Variants in ABCB4 observed in about 807,000 individuals in gnomAD.
The protein encoded by ABCB4 is phosphatidylcholine translocator ABCB4.
In ABCB4, 76 loss-of-function variants were observed where a neutral mutation model predicts 145.7. The observed-to-expected ratio is 0.52, with a 90% CI of 0.43 to 0.63. ABCB4 has a LOEUF of 0.63. Among genes scored for constraint, ABCB4 ranks in the 30% least tolerant of loss-of-function variants. The pLI is 0.00. For synonymous variants in ABCB4, 517 were observed against 566.8 expected (o/e 0.91, Z 1.25); for missense variants, 1,234 against 1,553.1 (o/e 0.79, Z 3.45).
At chr7:87,471,233 G>A (rs919540873) in intron 3 of ABCB4, among the ~76,000 whole-genome samples, 1 of 151,778 alleles carries the variant, frequency 6.6e-6, no homozygotes, top group African/African-American at 2.4e-5. Context: ...GGGGATGGGG[G>A]AGGGATAGCA....
chr7:87,436,114 G>C (rs1298781050), intron 14 of ABCB4, among the ~76,000 whole-genome samples: 2 of 152,162 alleles, frequency 1.3e-5, no homozygotes, highest in African/African-American at 4.8e-5. Flanking sequence ...GTACAATGAG[G>C]TTTGGGAAGA....
At chr7:87,467,072 G>A (rs1031980457) in intron 3 of ABCB4, among the ~76,000 whole-genome samples, 7 of 152,050 alleles carry the variant, frequency 4.6e-5, no homozygotes, top group Admixed American at 2.0e-4. Flanking sequence ...ATTTAAATGG[G>A]CTAAATGCTC....
chr7:87,380,671 C>A, the ABCB4 span, among the ~76,000 whole-genome samples: 1 of 152,140 alleles, frequency 6.6e-6, no homozygotes, highest in East Asian at 1.9e-4. Context: ...ATATTTTCTA[C>A]CTTCTTTGAG....
In ABCB4 at chr7:87,423,093, G is replaced by C. The variant is rs533499263; in HGVS notation, c.2211+813C>G. ...TGGCTTGTGGTCTTAATTGTGGATC[G>C]ATGTCCAACATCACAAAAATAATAA... On this transcript the variant is annotated intron_variant, in intron 17 of 27. Transcript: ENST00000649586. 2.0e-5 allele frequency among the ~76,000 whole-genome samples: 3 copies of C among 152,192 alleles called. No individual in the cohort carries two copies. In the East Asian group the frequency reaches 5.8e-4, roughly 29 times the overall value.
chr7:87,387,267 A>G, the ABCB4 span, among the ~76,000 whole-genome samples: 2 of 151,856 alleles, frequency 1.3e-5, no homozygotes, highest in Admixed American at 1.3e-4. Context: ...TTGCTTTTTT[A>G]TCTAGTCTGA....
intron 21 of ABCB4, among the ~76,000 whole-genome samples, chr7:87,416,698 C>G (rs909289333): frequency 4.6e-5 from 7 of 152,178 alleles, no homozygotes; most frequent in Non-Finnish European, 7.3e-5. Flanking sequence ...CTGTTTGAAT[C>G]TCAGGTTCTG....
At chr7:87,381,033 C>T in the ABCB4 span, among the ~76,000 whole-genome samples, 1 of 152,182 alleles carries the variant, frequency 6.6e-6, no homozygotes. Context: ...ATAGGCTCCG[C>T]TGGGCCATGA....
At chr7:87,458,171 C>G (rs372209378) in intron 4 of ABCB4, among the ~76,000 whole-genome samples, 1 of 152,084 alleles carries the variant, frequency 6.6e-6, no homozygotes, top group Non-Finnish European at 1.5e-5. Flanking sequence ...GCTATTTTCC[C>G]GCAGAATTTT....
At chr7:87,439,596 C>A in intron 14 of ABCB4, 71 bp downstream of exon 14, 1 of 1,564,902 alleles carries the variant, frequency 6.4e-7, no homozygotes, top group Middle Eastern at 1.7e-4. Flanking sequence ...AGCCCAGACT[C>A]CGGAAGCACT....
intron 25 of ABCB4, 104 bp from the exon 26 acceptor site, chr7:87,406,598 G>T: frequency 7.9e-7 from 1 of 1,261,436 alleles, no homozygotes; most frequent in Non-Finnish European, 1.1e-6. Flanking sequence ...GAGGGTGTCA[G>T]CAGCTTCAAA....
intron 12 of ABCB4, among the ~76,000 whole-genome samples, chr7:87,442,807 C>A (rs907387534): frequency 6.6e-6 from 1 of 151,998 alleles, no homozygotes; most frequent in South Asian, 2.1e-4. Context: ...AAAAACATAC[C>A]CTAGGCTATT....
chr7:87,451,184 G>A (rs1440798366), intron 7 of ABCB4, among the ~76,000 whole-genome samples: 1 of 147,938 alleles, frequency 6.8e-6, no homozygotes, highest in East Asian at 2.0e-4. Context: ...CACCCAAGCT[G>A]GAGTGAAGTG....
At chr7:87,452,336 TC>T (rs1349917322) in intron 6 of ABCB4, 4 of 176,960 alleles carry the variant, frequency 2.3e-5, no homozygotes, top group Admixed American at 2.2e-4. Context: ...AGTCTTGAAG[TC>T]TTTGTGGAGG....
At chr7:87,385,100 C>T in the ABCB4 span, among the ~76,000 whole-genome samples, 10 of 148,654 alleles carry the variant, frequency 6.7e-5, no homozygotes, top group East Asian at 3.9e-4. Flanking sequence ...TATAGTTTGG[C>T]GGTATATTTT....
At chr7:87,403,643 G>A (rs1807967694) in intron 26 of ABCB4, among the ~76,000 whole-genome samples, 3 of 151,196 alleles carry the variant, frequency 2.0e-5, no homozygotes, top group African/African-American at 7.3e-5. Context: ...GCTTTGTTAT[G>A]CCAGCATCAC....
At chr7:87,387,211 A>T in the ABCB4 span, among the ~76,000 whole-genome samples, 1 of 151,998 alleles carries the variant, frequency 6.6e-6, no homozygotes, top group Admixed American at 6.6e-5. Flanking sequence ...GAGTGAAGCC[A>T]GATTGCTTCT....
intron 3 of ABCB4, among the ~76,000 whole-genome samples, chr7:87,463,796 A>G (rs554724014): frequency 6.6e-6 from 1 of 152,334 alleles, no homozygotes; most frequent in Non-Finnish European, 1.5e-5. Context: ...CAGTTGTCAC[A>G]GTGAAGTGCA....
intron 3 of ABCB4, among the ~76,000 whole-genome samples, chr7:87,464,098 T>C (rs1250644571): frequency 1.3e-5 from 2 of 152,112 alleles, no homozygotes; most frequent in African/African-American, 4.8e-5. Flanking sequence ...AGAACAGTTA[T>C]TGGGAGAGAG....
chr7:87,405,580 C>T (rs12704362), intron 26 of ABCB4, among the ~76,000 whole-genome samples: 103 of 152,190 alleles, frequency 6.8e-4, no homozygotes, highest in African/African-American at 2.0e-3. Flanking sequence ...GTGCCCACCA[C>T]GACGCCTGGT....
Sources: allele counts gnomAD v4.1 joint callset (sites outside exome capture counted in the v4.1 genomes callset), GRCh38; gene constraint gnomAD v4.1.1; transcripts MANE v1.5; gene names NCBI Gene and HGNC (gene_info 2026-07-23, HGNC 2026-07-21).